C12orf42: variants seen among roughly 807,000 people sequenced by gnomAD.
C12orf42 encodes uncharacterized protein C12orf42.
C12orf42 carries 25 observed loss-of-function variants against 21.6 expected under a neutral mutation model. The ratio of observed to expected loss-of-function variants is 1.16; its 90% CI spans 0.84 to 1.62. The LOEUF is 1.62. Ranked by LOEUF, C12orf42 falls within the 40% of genes most tolerant of loss-of-function variation. The pLI, the probability that C12orf42 is intolerant of heterozygous loss-of-function variation, is 0.00. For missense variants in C12orf42, 483 were observed against 459.3 expected (o/e 1.05, Z -0.47); for synonymous variants, 174 against 175.0 (o/e 0.99, Z 0.05).
intron 2 of C12orf42, among the ~76,000 whole-genome samples, chr12:103,469,254 G>C (rs1234227950): frequency 2.6e-5 from 4 of 152,164 alleles, no homozygotes; most frequent in African/African-American, 9.7e-5. Flanking sequence ...CTTTTTTGGA[G>C]GCAGGCTTTA....
At chr12:103,416,818 T>G (rs747546008) in intron 2 of C12orf42, among the ~76,000 whole-genome samples, 2 of 152,218 alleles carry the variant, frequency 1.3e-5, no homozygotes, top group Non-Finnish European at 2.9e-5. Flanking sequence ...TGTTTTAGTC[T>G]TCTAAACCTT....
At chr12:103,554,392 T>C in the C12orf42 span, among the ~76,000 whole-genome samples, 2 of 152,178 alleles carry the variant, frequency 1.3e-5, no homozygotes, top group Non-Finnish European at 2.9e-5. Context: ...GCCAAAAGCA[T>C]TTAAGCAAAG....
At chr12:103,079,441 A>T in the C12orf42 span, among the ~76,000 whole-genome samples, 1 of 152,218 alleles carries the variant, frequency 6.6e-6, no homozygotes, top group Non-Finnish European at 1.5e-5. Flanking sequence ...GAATAATGTA[A>T]GAGAAGCTAA....
At chr12:103,344,712 G>T (rs2042461414) in intron 4 of C12orf42, among the ~76,000 whole-genome samples, 1 of 152,174 alleles carries the variant, frequency 6.6e-6, no homozygotes, top group African/African-American at 2.4e-5. Flanking sequence ...GGAGACAAGG[G>T]CACATTTTGG....
the C12orf42 span, among the ~76,000 whole-genome samples, chr12:103,526,557 G>A: frequency 4.4e-4 from 67 of 152,278 alleles, no homozygotes; most frequent in African/African-American, 1.5e-3. Flanking sequence ...GGCTTAGAGA[G>A]GTTAAGTAAT....
intron 4 of C12orf42, among the ~76,000 whole-genome samples, chr12:103,288,937 T>C (rs77255882): frequency 0.023 from 3,491 of 152,288 alleles, 120 homozygotes; most frequent in African/African-American, 0.078. Context: ...AGCAGGGCTA[T>C]TTTTAATTTC....
chr12:103,450,339 T>A (rs1456018754), intron 2 of C12orf42, among the ~76,000 whole-genome samples: 2 of 152,146 alleles, frequency 1.3e-5, no homozygotes, highest in African/African-American at 4.8e-5. Context: ...TATGTACTAA[T>A]TGATTTTCTA....
At chr12:103,282,288 A>T (rs984977096) in intron 4 of C12orf42, among the ~76,000 whole-genome samples, 6 of 152,222 alleles carry the variant, frequency 3.9e-5, no homozygotes, top group African/African-American at 1.4e-4. Flanking sequence ...TGAGAGAGGA[A>T]GTGAAATGGG....
intron 4 of C12orf42, chr12:103,277,244 A>C: frequency 2.3e-6 from 1 of 436,874 alleles, no homozygotes; most frequent in Non-Finnish European, 4.6e-6. Context: ...AGGGGGATAG[A>C]AAGAATAACT....
chr12:103,423,938 T>G (rs191435160), intron 2 of C12orf42, among the ~76,000 whole-genome samples: 1 of 152,370 alleles, frequency 6.6e-6, no homozygotes, highest in Non-Finnish European at 1.5e-5. Flanking sequence ...AATATAAAAA[T>G]TTATTCAACT....
chr12:103,340,109 T>C (rs925085178), intron 4 of C12orf42, among the ~76,000 whole-genome samples: 5 of 152,130 alleles, frequency 3.3e-5, no homozygotes, highest in African/African-American at 7.2e-5. Flanking sequence ...CATGGACTCC[T>C]TGAGTTGAGG....
At chr12:103,154,610 G>T in the C12orf42 span, among the ~76,000 whole-genome samples, 1 of 152,036 alleles carries the variant, frequency 6.6e-6, no homozygotes, top group Non-Finnish European at 1.5e-5. Flanking sequence ...AAAGGAAACA[G>T]ACCAAAATAA....
chr12:103,167,886 G>A, the C12orf42 span, among the ~76,000 whole-genome samples: 1 of 129,296 alleles, frequency 7.7e-6, no homozygotes, highest in Non-Finnish European at 1.6e-5. Flanking sequence ...GGGCGTGTGT[G>A]TGTGTGTGTG....
the C12orf42 span, chr12:103,547,934 C>T: frequency 6.6e-6 from 1 of 152,156 alleles, no homozygotes; most frequent in Non-Finnish European, 1.5e-5. Flanking sequence ...AGGTAATAGG[C>T]TTCTCGTGGC....
intron 2 of C12orf42, among the ~76,000 whole-genome samples, chr12:103,446,859 A>C (rs1448446210): frequency 6.6e-6 from 1 of 152,026 alleles, no homozygotes; most frequent in Non-Finnish European, 1.5e-5. Context: ...CTAAATTTAT[A>C]AAACAATTAC....
the C12orf42 span, among the ~76,000 whole-genome samples, chr12:103,516,852 G>C: frequency 6.6e-6 from 1 of 152,144 alleles, no homozygotes; most frequent in Non-Finnish European, 1.5e-5. Flanking sequence ...ATAGTTATTG[G>C]TATCACACAA....
At chr12:103,312,885 G>A (rs1387843876) in intron 4 of C12orf42, among the ~76,000 whole-genome samples, 1 of 152,108 alleles carries the variant, frequency 6.6e-6, no homozygotes, top group East Asian at 1.9e-4. Context: ...AACAAATGCT[G>A]ATGTATTCAT....
In C12orf42 at chr12:103,367,954, G is replaced by C. The variant is rs2044772961; in HGVS notation, c.259+933C>G. 13 of 743,784 alleles carry C rather than the reference G, an allele frequency of 1.7e-5. No homozygotes were observed. In the South Asian group the frequency reaches 2.1e-4, roughly 12 times the overall value. 46.1% of individuals were successfully genotyped at this position (743,784 alleles called of 1,614,324 possible). A position where few individuals can be genotyped will look rare whatever the true frequency, so the allele number is the denominator to read the frequency against. The stretch of plus-strand genomic sequence containing the variant: ...GAATTTTATTAGCATATAAATATAA[G>C]TGAATGAATAAACACATTCAAAATA... On this transcript the variant is annotated intron_variant, in intron 4 of 5. Transcript: ENST00000548883.
the C12orf42 span, among the ~76,000 whole-genome samples, chr12:103,547,014 C>T: frequency 6.6e-6 from 1 of 152,214 alleles, no homozygotes; most frequent in Non-Finnish European, 1.5e-5. Context: ...CATAAAAACA[C>T]TCAGACTTAA....
Sources: allele counts gnomAD v4.1 joint callset (sites outside exome capture counted in the v4.1 genomes callset), GRCh38; gene constraint gnomAD v4.1.1; transcripts MANE v1.5; gene names NCBI Gene and HGNC (gene_info 2026-07-23, HGNC 2026-07-21).